GLG1: variants seen among roughly 807,000 people sequenced by gnomAD.
The protein encoded by GLG1 is Golgi apparatus protein 1.
In GLG1, 38 loss-of-function variants were observed where a neutral mutation model predicts 160.5. The ratio of observed to expected loss-of-function variants is 0.24; its 90% CI spans 0.18 to 0.31. The LOEUF is 0.31. Ranked by LOEUF, GLG1 falls within the 10% of genes least tolerant of loss-of-function variation. The probability of loss-of-function intolerance (pLI) is 1.00; values close to 1 mark genes in which losing one functional copy is unlikely to be tolerated. For missense variants in GLG1, 1,373 were observed against 1,505.2 expected (o/e 0.91, Z 1.45); for synonymous variants, 644 against 543.4 (o/e 1.19, Z -2.57).
chr16:74,604,386 C>T (rs1335277519), intron 1 of GLG1, among the ~76,000 whole-genome samples: 2 of 152,086 alleles, frequency 1.3e-5, no homozygotes, highest in East Asian at 1.9e-4. Flanking sequence ...AATACGACAC[C>T]ATTTTATACG....
At chr16:74,595,499 T>G (rs1958278175) in intron 1 of GLG1, among the ~76,000 whole-genome samples, 1 of 152,214 alleles carries the variant, frequency 6.6e-6, no homozygotes, top group East Asian at 1.9e-4. Context: ...ATCGCGCCAC[T>G]GCACTCCCGC....
At chr16:74,583,418 TCCC>T (rs1347480429) in intron 1 of GLG1, among the ~76,000 whole-genome samples, 4 of 152,166 alleles carry the variant, frequency 2.6e-5, no homozygotes, top group African/African-American at 9.7e-5. Flanking sequence ...TTCGCTCTTG[TCCC>T]CCAAGCTGGA....
chr16:74,459,218 C>T (rs551622671), intron 23 of GLG1, among the ~76,000 whole-genome samples: 1 of 152,184 alleles, frequency 6.6e-6, no homozygotes, highest in South Asian at 2.1e-4. Flanking sequence ...GTGGCTCACA[C>T]CTGTAATCCC....
chr16:74,454,942 A>C (rs1012705719), intron 25 of GLG1, among the ~76,000 whole-genome samples: 2 of 151,910 alleles, frequency 1.3e-5, no homozygotes, highest in Non-Finnish European at 2.9e-5. Flanking sequence ...TGTCTCCACA[A>C]AAAATTATAA....
At chr16:74,545,929 A>G (rs1404603735) in intron 1 of GLG1, among the ~76,000 whole-genome samples, 1 of 152,228 alleles carries the variant, frequency 6.6e-6, no homozygotes, top group East Asian at 1.9e-4. Context: ...AGCAAGATCA[A>G]TGACTTCAAT....
chr16:74,584,942 A>C (rs574066662), intron 1 of GLG1, among the ~76,000 whole-genome samples: 45 of 151,968 alleles, frequency 3.0e-4, no homozygotes, highest in African/African-American at 1.1e-3. Context: ...AAACCCCTAC[A>C]CACTGGGTAC....
intron 3 of GLG1, among the ~76,000 whole-genome samples, chr16:74,507,643 G>A (rs1488490864): frequency 3.3e-5 from 5 of 152,040 alleles, no homozygotes; most frequent in Admixed American, 2.0e-4. Flanking sequence ...GGCTGAGGCA[G>A]GAGAACTGCT....
chr16:74,479,554 T>C (rs1050941350), intron 11 of GLG1, among the ~76,000 whole-genome samples: 7 of 152,162 alleles, frequency 4.6e-5, no homozygotes, highest in African/African-American at 1.7e-4. Context: ...CCCCTCATTC[T>C]GGATTTGAGA....
intron 1 of GLG1, among the ~76,000 whole-genome samples, chr16:74,572,029 G>A (rs1307753637): frequency 6.6e-6 from 1 of 152,114 alleles, no homozygotes; most frequent in Non-Finnish European, 1.5e-5. Context: ...GAATTGAATG[G>A]TGGTGTTGGG....
chr16:74,601,656 G>C (rs1958443572), intron 1 of GLG1, among the ~76,000 whole-genome samples: 1 of 152,144 alleles, frequency 6.6e-6, no homozygotes, highest in African/African-American at 2.4e-5. Context: ...TTTTCATAAA[G>C]CAGAAATTCG....
chr16:74,542,716 G>GGGAGGGAGGAAGGAAGGAA (rs1567513828), intron 1 of GLG1, among the ~76,000 whole-genome samples: 1 of 29,784 alleles, frequency 3.4e-5, no homozygotes, highest in Admixed American at 4.9e-4. Flanking sequence ...AAGGGAAGAA[G>GGGAGGGAGGAAGGAAGGAA]GGAAGGAAGG....
chr16:74,522,357 C>T (rs985068388), intron 2 of GLG1, among the ~76,000 whole-genome samples: 1 of 152,244 alleles, frequency 6.6e-6, no homozygotes, highest in Non-Finnish European at 1.5e-5. Context: ...AAAGCACTAG[C>T]TGTGCTAACT....
intron 2 of GLG1, among the ~76,000 whole-genome samples, chr16:74,529,624 T>C (rs2017460934): frequency 6.6e-6 from 1 of 152,170 alleles, no homozygotes; most frequent in South Asian, 2.1e-4. Flanking sequence ...TATCCAGCCA[T>C]TTCTGATAGC....
intron 5 of GLG1, 89 bp downstream of exon 5, chr16:74,496,352 C>CA: frequency 1.0e-6 from 1 of 953,262 alleles, no homozygotes; most frequent in Non-Finnish European, 1.6e-6. Context: ...CTCAATCTCT[C>CA]AAAAAACAAC....
intron 1 of GLG1, among the ~76,000 whole-genome samples, chr16:74,582,746 G>C (rs910832421): frequency 2.6e-5 from 4 of 151,974 alleles, no homozygotes; most frequent in Non-Finnish European, 5.9e-5. Context: ...GTGAACCCGG[G>C]AGGTGGAGCT....
chr16:74,598,487 C>A (rs1372168286), intron 1 of GLG1, among the ~76,000 whole-genome samples: 2 of 149,732 alleles, frequency 1.3e-5, no homozygotes, highest in Non-Finnish European at 3.0e-5. Context: ...CGCCACTGCA[C>A]TCTAGCTTGG....
In GLG1 at chr16:74,447,559, G is replaced by A. The variant is rs2014115915; in HGVS notation, c.*5608C>T. The A allele has an allele frequency of 6.6e-6, 1 of 152,126 alleles. No homozygotes were observed. The highest frequency in any genetic ancestry group is 1.5e-5 in the Non-Finnish European group (1 of 68,028). The allele number at this position is 152,126 out of a possible 1,614,324, so 9.4% of individuals were successfully genotyped here. A position where few individuals can be genotyped will look rare whatever the true frequency, so the allele number is the denominator to read the frequency against. Reference sequence around the variant, plus strand: ...ACACAGCATGAACATGTAAAAACAAGGGACCACCACGATTTTATACATAGA... The same window carrying A: ...ACACAGCATGAACATGTAAAAACAAAGGACCACCACGATTTTATACATAGA... On this transcript the variant is annotated 3_prime_UTR_variant, in exon 26 of 26. Transcript: ENST00000422840.
At chr16:74,581,342 C>T (rs949669423) in intron 1 of GLG1, among the ~76,000 whole-genome samples, 2 of 151,828 alleles carry the variant, frequency 1.3e-5, no homozygotes, top group Non-Finnish European at 2.9e-5. Flanking sequence ...ATACACATGC[C>T]GCAACATGGA....
At chr16:74,497,582 C>T (rs1002243515) in intron 4 of GLG1, among the ~76,000 whole-genome samples, 1 of 151,734 alleles carries the variant, frequency 6.6e-6, no homozygotes, top group African/African-American at 2.4e-5. Context: ...GGACCACAGG[C>T]GCCCGCCACC....
Sources: gnomAD v4.1 joint callset for allele counts (sites outside exome capture counted in the v4.1 genomes callset) on GRCh38, gnomAD v4.1.1 for gene constraint, MANE v1.5 for transcripts, NCBI Gene and HGNC (gene_info 2026-07-23, HGNC 2026-07-21) for gene names.